The following SLC2A9 variants were observed in gnomAD, a reference collection of about 807,000 sequenced individuals.
SLC2A9 encodes solute carrier family 2, facilitated glucose transporter member 9.
Under a neutral mutation model 50.6 loss-of-function variants are expected in SLC2A9, and 39 were observed. The observed-to-expected ratio is 0.77, with a 90% CI of 0.60 to 1.01. The LOEUF (loss-of-function observed/expected upper bound fraction) is 1.01. SLC2A9 is among the 50% of genes least tolerant of loss of function. SLC2A9 has a pLI of 0.00. For missense variants in SLC2A9, 686 were observed against 677.6 expected (o/e 1.01, Z -0.14); for synonymous variants, 324 against 276.9 (o/e 1.17, Z -1.69).
intron 10 of SLC2A9, among the ~76,000 whole-genome samples, chr4:9,872,774 A>C (rs138889320): frequency 6.6e-6 from 1 of 152,358 alleles, no homozygotes; most frequent in East Asian, 1.9e-4. Flanking sequence ...ATGATGAAGA[A>C]CTTAGAAACT....
chr4:9,954,901 A>C (rs1484026192), intron 5 of SLC2A9, among the ~76,000 whole-genome samples: 3 of 152,192 alleles, frequency 2.0e-5, no homozygotes, highest in Non-Finnish European at 4.4e-5. Context: ...CCCAATAGAA[A>C]AAAACCTAAA....
intron 5 of SLC2A9, among the ~76,000 whole-genome samples, chr4:9,975,899 T>C (rs1189602065): frequency 1.3e-5 from 2 of 152,242 alleles, no homozygotes; most frequent in African/African-American, 4.8e-5. Context: ...ACATACACCG[T>C]AGAATACTAT....
chr4:9,926,665 G>A (rs1288290964), intron 6 of SLC2A9, among the ~76,000 whole-genome samples: 1 of 151,970 alleles, frequency 6.6e-6, no homozygotes, highest in Non-Finnish European at 1.5e-5. Flanking sequence ...GTTGAATTGT[G>A]TCTTCATAAA....
intron 1 of SLC2A9, among the ~76,000 whole-genome samples, chr4:9,774,161 T>C (rs1413312470): frequency 6.6e-6 from 1 of 151,968 alleles, no homozygotes; most frequent in Middle Eastern, 3.2e-3. Context: ...ACCCAGCTAA[T>C]TTTTGTATTT....
intron 6 of SLC2A9, among the ~76,000 whole-genome samples, chr4:9,932,891 C>T (rs766778841): frequency 1.3e-5 from 2 of 152,202 alleles, no homozygotes; most frequent in Admixed American, 1.3e-4. Context: ...ACTGATGCAT[C>T]GTTAGAGGAA....
chr4:9,875,564 AG>A (rs1057105283), intron 10 of SLC2A9, among the ~76,000 whole-genome samples: 3 of 152,194 alleles, frequency 2.0e-5, no homozygotes, highest in Admixed American at 6.5e-5. Flanking sequence ...GTGCTCCCTT[AG>A]TACCTGGGAC....
intron 8 of SLC2A9, among the ~76,000 whole-genome samples, chr4:9,903,899 A>T (rs1740135257): frequency 6.8e-6 from 1 of 147,594 alleles, no homozygotes; most frequent in East Asian, 1.9e-4. Context: ...TATATTTTAT[A>T]TCAATAAATA....
intron 3 of SLC2A9, chr4:9,792,612 C>T (rs1275091689): frequency 6.6e-6 from 1 of 152,194 alleles, no homozygotes. Context: ...CCTTCTGTGC[C>T]TCTGCAGCCA....
chr4:9,886,955 G>A (rs62293297), intron 10 of SLC2A9, among the ~76,000 whole-genome samples: 18,406 of 152,196 alleles, frequency 0.12, 1,300 homozygotes, highest in African/African-American at 0.17. Context: ...AAACAGCAGG[G>A]CTAGAAGTGA....
At chr4:10,022,041 G>A (rs1346338226), upstream of SLC2A9, among the ~76,000 whole-genome samples, 3 of 152,076 alleles carry the variant, frequency 2.0e-5, no homozygotes, top group Non-Finnish European at 4.4e-5. Context: ...GTTTCACCAT[G>A]TTGGCCAGGC....
intron 2 of SLC2A9, among the ~76,000 whole-genome samples, chr4:9,998,749 G>A (rs1451720676): frequency 1.3e-5 from 2 of 152,112 alleles, no homozygotes; most frequent in Non-Finnish European, 2.9e-5. Context: ...AACAGCCCAG[G>A]TGCCCATGGT....
chr4:9,984,274 C>G (rs1177096269), intron 4 of SLC2A9, among the ~76,000 whole-genome samples: 1 of 152,200 alleles, frequency 6.6e-6, no homozygotes, highest in African/African-American at 2.4e-5. Flanking sequence ...CTCCTGCTCA[C>G]CTCTCCCTGA....
At chr4:9,920,263 A>G in intron 7 of SLC2A9, 122 bp downstream of exon 7, 1 of 1,009,452 alleles carries the variant, frequency 9.9e-7, no homozygotes, top group Non-Finnish European at 1.5e-6. Context: ...CTAACAGCAT[A>G]GAGTTTGTGG....
Position 9,970,060 on chromosome 4 carries a change from A to G in SLC2A9, c.681+10532T>C, listed in dbSNP as rs565987697. On this transcript the variant is annotated intron_variant, in intron 5 of 11. Transcript: ENST00000264784. ...AGTGGTGGCAGCAGCCTACACCATA[A>G]GCCAGGTGGAAAACTGTGAGTCCTC... Among the ~76,000 whole-genome samples, 7 of 152,324 alleles carry G rather than the reference A, an allele frequency of 4.6e-5. No homozygotes were observed. The South Asian group carries it at 8.3e-4, about 18-fold the overall frequency.
At chr4:10,016,854 C>T (rs1394091775) in intron 2 of SLC2A9, among the ~76,000 whole-genome samples, 1 of 152,050 alleles carries the variant, frequency 6.6e-6, no homozygotes, top group Non-Finnish European at 1.5e-5. Flanking sequence ...CCCTACTGCC[C>T]AAGACTAAAA....
chr4:10,025,647 G>A, upstream of SLC2A9: 2 of 493,642 alleles, frequency 4.1e-6, no homozygotes, highest in Non-Finnish European at 7.3e-6. Flanking sequence ...AATGACCTTT[G>A]TAATGGAGAC....
chr4:9,816,927 C>T (rs1023654256), intron 3 of SLC2A9, among the ~76,000 whole-genome samples: 3 of 152,100 alleles, frequency 2.0e-5, no homozygotes, highest in Non-Finnish European at 4.4e-5. Flanking sequence ...TCAAAGTGTT[C>T]ATAGAGACGC....
At chr4:9,908,696 T>C (rs1003210909) in intron 7 of SLC2A9, among the ~76,000 whole-genome samples, 4 of 152,006 alleles carry the variant, frequency 2.6e-5, no homozygotes, top group Non-Finnish European at 4.4e-5. Context: ...ATGCTATCCC[T>C]CCCCACTACC....
intron 6 of SLC2A9, among the ~76,000 whole-genome samples, chr4:9,921,948 G>C (rs1744031624): frequency 6.6e-6 from 1 of 151,442 alleles, no homozygotes; most frequent in South Asian, 2.1e-4. Flanking sequence ...TTTCACCATG[G>C]CTGCCAGGAA....
Sources: allele counts gnomAD v4.1 joint callset (sites outside exome capture counted in the v4.1 genomes callset), GRCh38; gene constraint gnomAD v4.1.1; transcripts MANE v1.5; gene names NCBI Gene and HGNC (gene_info 2026-07-23, HGNC 2026-07-21).